The following NBAS variants were observed in gnomAD, a reference collection of about 807,000 sequenced individuals.
NBAS encodes NBAS subunit of NRZ tethering complex, also known as NAG/BC035112 fusion.
In NBAS, 219 loss-of-function variants were observed where a neutral mutation model predicts 302.5. The ratio of observed to expected loss-of-function variants is 0.72; its 90% CI spans 0.65 to 0.81. The LOEUF is 0.81. NBAS is among the 30% of genes least tolerant of loss of function. The pLI is 0.00. For synonymous variants in NBAS, 1,118 were observed against 1,021.6 expected, an observed-to-expected ratio of 1.09 and a Z score of -1.80; for missense variants, 2,932 against 2,841.6, an observed-to-expected ratio of 1.03 and a Z score of -0.72.
At chr2:15,004,547 A>G in the NBAS span, among the ~76,000 whole-genome samples, 1 of 152,078 alleles carries the variant, frequency 6.6e-6, no homozygotes, top group East Asian at 1.9e-4. Context: ...CTCTGTCCAG[A>G]CTGGGGTGCA....
chr2:15,417,245 C>T (rs1429437335), intron 24 of NBAS, among the ~76,000 whole-genome samples: 1 of 151,968 alleles, frequency 6.6e-6, no homozygotes, highest in Non-Finnish European at 1.5e-5. Context: ...TACAGGATTA[C>T]TAGAATCACT....
At chr2:14,966,322 G>A in the NBAS span, among the ~76,000 whole-genome samples, 10 of 152,170 alleles carry the variant, frequency 6.6e-5, no homozygotes, top group South Asian at 2.1e-4. Flanking sequence ...CTAGGTTAAC[G>A]TTTGAAAATC....
intron 26 of NBAS, among the ~76,000 whole-genome samples, chr2:15,396,766 T>C (rs970468177): frequency 6.6e-6 from 1 of 152,186 alleles, no homozygotes; most frequent in African/African-American, 2.4e-5. Flanking sequence ...GATTGTTTAT[T>C]TAAGATGAGG....
At chr2:14,790,985 AGCTGG>A in the NBAS span, among the ~76,000 whole-genome samples, 188 of 152,270 alleles carry the variant, frequency 1.2e-3, no homozygotes, top group Admixed American at 2.0e-3. Context: ...CCTCCTGAGT[AGCTGG>A]GATTACAGAC....
chr2:15,471,988 C>T (rs1679978988), intron 16 of NBAS, among the ~76,000 whole-genome samples: 1 of 152,176 alleles, frequency 6.6e-6, no homozygotes, highest in Admixed American at 6.5e-5. Flanking sequence ...TGAGACAAGA[C>T]TATATTAACC....
the NBAS span, among the ~76,000 whole-genome samples, chr2:14,910,360 C>T: frequency 6.6e-6 from 1 of 152,212 alleles, no homozygotes; most frequent in Non-Finnish European, 1.5e-5. Flanking sequence ...GCCTCAAGCT[C>T]TTGCATAGAA....
intron 48 of NBAS, among the ~76,000 whole-genome samples, chr2:15,218,061 T>C (rs1046180847): frequency 6.6e-6 from 1 of 152,072 alleles, no homozygotes; most frequent in Admixed American, 6.5e-5. Context: ...CTTCTAAGTA[T>C]AGGGAGAAGG....
At chr2:15,554,394 C>T (rs889859288) in intron 3 of NBAS, among the ~76,000 whole-genome samples, 4 of 151,836 alleles carry the variant, frequency 2.6e-5, no homozygotes, top group Non-Finnish European at 4.4e-5. Context: ...TAACAGACAT[C>T]TAGCATACCA....
At position 15,330,747 on chromosome 2, in the gene NBAS, C is replaced by T. The variant is rs1276671053; in HGVS notation, c.4198G>A (p.Gly1400Ser). 3 of 1,613,752 alleles carry T rather than the reference C, an allele frequency of 1.9e-6. No individual in the cohort carries two copies. In the Admixed American group the frequency reaches 5.0e-5, roughly 27 times the overall value. Residue 1400 changes from glycine to serine, a missense_variant, in exon 36 of 52, where the codon GGT becomes AGT. Physicochemically the swap from Gly to Ser is moderately conservative, Grantham distance 56 (BLOSUM62 0). Transcript: ENST00000281513. ...AVQEDEVGVP[G>S]SNSADLLRWT... Reference sequence around the variant, plus strand: ...CGCAATAGGTCAGCTGAATTGCTACCTGGAACACCTACTTCATCCTGTATT... The same window carrying T: ...CGCAATAGGTCAGCTGAATTGCTACTTGGAACACCTACTTCATCCTGTATT...
the NBAS span, among the ~76,000 whole-genome samples, chr2:15,108,604 G>A: frequency 1.3e-5 from 2 of 152,106 alleles, no homozygotes; most frequent in Non-Finnish European, 1.5e-5. Context: ...AGGGAGGCAA[G>A]GCACCTGGCT....
At chr2:14,803,394 T>C in the NBAS span, among the ~76,000 whole-genome samples, 5 of 152,136 alleles carry the variant, frequency 3.3e-5, no homozygotes, top group African/African-American at 1.2e-4. Context: ...GCAGCTCTAT[T>C]TTCTGTGGTA....
chr2:14,780,351 G>A, the NBAS span, among the ~76,000 whole-genome samples: 1 of 152,200 alleles, frequency 6.6e-6, no homozygotes, highest in Non-Finnish European at 1.5e-5. Flanking sequence ...AACTTAGCCT[G>A]GATTTTGGAT....
intron 10 of NBAS, among the ~76,000 whole-genome samples, chr2:15,507,261 C>A (rs184674060): frequency 8.5e-5 from 13 of 152,288 alleles, no homozygotes; most frequent in Non-Finnish European, 1.8e-4. Flanking sequence ...TTACAGTACA[C>A]AGGCACAGCT....
intron 38 of NBAS, among the ~76,000 whole-genome samples, chr2:15,321,274 C>T (rs10165158): frequency 0.23 from 35,167 of 152,080 alleles, 4,417 homozygotes; most frequent in Middle Eastern, 0.39. Flanking sequence ...AAATGTTAGA[C>T]CTAAAACCAT....
chr2:14,793,196 T>A, the NBAS span, among the ~76,000 whole-genome samples: 5 of 152,116 alleles, frequency 3.3e-5, no homozygotes, highest in Non-Finnish European at 7.4e-5. Flanking sequence ...CTTGAACTTC[T>A]CAGCCTCCAG....
intron 51 of NBAS, among the ~76,000 whole-genome samples, chr2:15,168,163 A>G (rs1175169664): frequency 6.6e-6 from 1 of 152,222 alleles, no homozygotes; most frequent in African/African-American, 2.4e-5. Flanking sequence ...GGGTATCATA[A>G]AACAGATTCC....
the NBAS span, among the ~76,000 whole-genome samples, chr2:14,861,095 T>A: frequency 6.6e-6 from 1 of 152,178 alleles, no homozygotes; most frequent in African/African-American, 2.4e-5. Context: ...AAGATTTACA[T>A]TCTCTATTTG....
At chr2:14,797,191 G>T in the NBAS span, among the ~76,000 whole-genome samples, 1 of 151,736 alleles carries the variant, frequency 6.6e-6, no homozygotes, top group Non-Finnish European at 1.5e-5. Flanking sequence ...TCGGGTAGGC[G>T]TTGTCCACTT....
chr2:15,109,029 G>A, the NBAS span, among the ~76,000 whole-genome samples: 2 of 152,094 alleles, frequency 1.3e-5, no homozygotes, highest in Non-Finnish European at 2.9e-5. Context: ...TCTTAAGGGA[G>A]GAATTGGCCT....
Sources: gnomAD v4.1 joint callset for allele counts (sites outside exome capture counted in the v4.1 genomes callset) on GRCh38, gnomAD v4.1.1 for gene constraint, MANE v1.5 for transcripts, NCBI Gene and HGNC (gene_info 2026-07-23, HGNC 2026-07-21) for gene names.